DOCK3: variants seen among roughly 807,000 people sequenced by gnomAD.
DOCK3 encodes the protein dedicator of cytokinesis protein 3.
In DOCK3, 60 loss-of-function variants were observed where a neutral mutation model predicts 265.6. That is an observed-to-expected ratio of 0.23 (90% CI 0.18 to 0.28). DOCK3 has a LOEUF of 0.28. Ranked by LOEUF, DOCK3 falls within the 10% of genes least tolerant of loss-of-function variation. DOCK3 has a pLI of 1.00. For synonymous variants in DOCK3, 881 were observed against 938.0 expected (o/e 0.94, Z 1.11); for missense variants, 1,981 against 2,594.3 (o/e 0.76, Z 5.14).
At chr3:50,831,084 C>A (rs2675804) in intron 2 of DOCK3, among the ~76,000 whole-genome samples, 14,322 of 151,954 alleles carry the variant, frequency 0.094, 838 homozygotes, top group Non-Finnish European at 0.12. Flanking sequence ...CATACTAATG[C>A]ATTATAATTA....
At chr3:50,977,550 G>A (rs530515908) in intron 5 of DOCK3, among the ~76,000 whole-genome samples, 13 of 152,268 alleles carry the variant, frequency 8.5e-5, no homozygotes, top group East Asian at 7.7e-4. Flanking sequence ...AGGGTAACCC[G>A]ACCTTTCTCT....
intron 1 of DOCK3, among the ~76,000 whole-genome samples, chr3:50,676,669 C>A (rs1001237553): frequency 4.0e-5 from 6 of 148,194 alleles, no homozygotes; most frequent in Admixed American, 6.8e-5. Flanking sequence ...CCAGTGGCAC[C>A]CCATGATTGA....
At chr3:50,797,617 G>A (rs2042859358) in intron 2 of DOCK3, among the ~76,000 whole-genome samples, 1 of 152,156 alleles carries the variant, frequency 6.6e-6, no homozygotes, top group Admixed American at 6.5e-5. Flanking sequence ...CTCCATAGTG[G>A]TATACTAGTT....
intron 10 of DOCK3, among the ~76,000 whole-genome samples, chr3:51,158,761 C>G (rs978757368): frequency 3.3e-5 from 5 of 152,122 alleles, no homozygotes; most frequent in African/African-American, 1.2e-4. Context: ...AAATTAATCT[C>G]TTTTAAGTGG....
intron 27 of DOCK3, among the ~76,000 whole-genome samples, chr3:51,302,443 G>T (rs2082406975): frequency 6.6e-6 from 1 of 151,962 alleles, no homozygotes; most frequent in African/African-American, 2.4e-5. Context: ...GGTTAATATT[G>T]TTATGTGTGA....
At chr3:51,111,401 G>A (rs561215460) in intron 9 of DOCK3, among the ~76,000 whole-genome samples, 1 of 152,298 alleles carries the variant, frequency 6.6e-6, no homozygotes, top group East Asian at 1.9e-4. Flanking sequence ...CAGTGGAACA[G>A]AATAGAGAGA....
chr3:50,958,181 A>G (rs1037203546), intron 5 of DOCK3, among the ~76,000 whole-genome samples: 1 of 152,110 alleles, frequency 6.6e-6, no homozygotes, highest in African/African-American at 2.4e-5. Flanking sequence ...ATTTCATGTC[A>G]TTCTTCTTTT....
intron 4 of DOCK3, chr3:50,900,809 G>A (rs142811197): frequency 2.9e-5 from 12 of 418,834 alleles, no homozygotes; most frequent in East Asian, 7.9e-5. Context: ...TATCACCAGC[G>A]GAGGCTGCAG....
At chr3:50,846,303 T>C (rs964007268) in intron 3 of DOCK3, among the ~76,000 whole-genome samples, 6 of 152,168 alleles carry the variant, frequency 3.9e-5, no homozygotes. Context: ...CTCACAGTTA[T>C]GAATTATTAC....
chr3:50,887,841 A>G (rs2107708557), intron 3 of DOCK3, among the ~76,000 whole-genome samples: 2 of 150,780 alleles, frequency 1.3e-5, no homozygotes, highest in South Asian at 2.1e-4. Flanking sequence ...CACTCAATAA[A>G]CTATACCGAT....
intron 9 of DOCK3, among the ~76,000 whole-genome samples, chr3:51,111,784 A>G (rs1444300118): frequency 1.3e-5 from 2 of 152,226 alleles, no homozygotes; most frequent in Non-Finnish European, 2.9e-5. Context: ...AACCTACAGA[A>G]TAAGATAAAA....
chr3:51,194,492 A>G (rs1471508107), intron 12 of DOCK3, among the ~76,000 whole-genome samples: 1 of 152,206 alleles, frequency 6.6e-6, no homozygotes, highest in Non-Finnish European at 1.5e-5. Context: ...TGTAATGCTG[A>G]GAGTGGAATG....
At chr3:50,995,456 A>G (rs1559912713) in intron 5 of DOCK3, among the ~76,000 whole-genome samples, 2 of 152,128 alleles carry the variant, frequency 1.3e-5, no homozygotes, top group Non-Finnish European at 2.9e-5. Flanking sequence ...TTGAGCTCCT[A>G]CTCCTTTAAG....
chr3:50,859,424 G>A (rs2046793835), intron 3 of DOCK3, among the ~76,000 whole-genome samples: 1 of 151,810 alleles, frequency 6.6e-6, no homozygotes, highest in African/African-American at 2.4e-5. Context: ...CACGGTGTTG[G>A]CCAGGATGGT....
chr3:51,313,731 T>C (rs1312351845), intron 31 of DOCK3, among the ~76,000 whole-genome samples: 1 of 152,142 alleles, frequency 6.6e-6, no homozygotes, highest in Non-Finnish European at 1.5e-5. Context: ...AGGCAGCAAG[T>C]AGGATATGAA....
intron 12 of DOCK3, among the ~76,000 whole-genome samples, chr3:51,198,038 G>A (rs1300400508): frequency 6.6e-6 from 1 of 152,218 alleles, no homozygotes; most frequent in Non-Finnish European, 1.5e-5. Flanking sequence ...CTGTAGGTAT[G>A]CTTCCAGCAT....
chr3:51,103,966 G>A (rs1474657869), intron 9 of DOCK3, among the ~76,000 whole-genome samples: 2 of 152,128 alleles, frequency 1.3e-5, no homozygotes, highest in South Asian at 2.1e-4. Context: ...TAAAATATGC[G>A]ACATGTTCAA....
Position 51,195,016 on chromosome 3 carries a change from G to A in DOCK3, c.1038-13758G>A, listed in dbSNP as rs146738662. Among the ~76,000 whole-genome samples, 157 of 151,718 alleles carry A rather than the reference G, an allele frequency of 1.0e-3. 1 individual carries two copies. The highest frequency in any genetic ancestry group is 4.1e-3 in the East Asian group (21 of 5,140). ...ATTTTTTTGTATTTTTAGTAGAGAC[G>A]GGGTTTCACCATGTTGGCCAGGATG... is the stretch of plus-strand genomic sequence containing the variant. On this transcript the variant is annotated intron_variant, in intron 12 of 52. Coordinates refer to ENST00000266037, the MANE Select transcript of DOCK3 (RefSeq NM_004947.5).
At chr3:51,122,085 A>T (rs2084045793) in intron 9 of DOCK3, among the ~76,000 whole-genome samples, 1 of 152,124 alleles carries the variant, frequency 6.6e-6, no homozygotes, top group African/African-American at 2.4e-5. Context: ...ACCCCCTAGG[A>T]TATTATTTAT....
Sources: gnomAD v4.1 joint callset for allele counts (sites outside exome capture counted in the v4.1 genomes callset) on GRCh38, gnomAD v4.1.1 for gene constraint, MANE v1.5 for transcripts, NCBI Gene and HGNC (gene_info 2026-07-23, HGNC 2026-07-21) for gene names.